TOX3: variants seen among roughly 807,000 people sequenced by gnomAD.
TOX3 encodes CAG trinucleotide repeat-containing gene F9 protein.
In TOX3, 22 loss-of-function variants were observed where a neutral mutation model predicts 64.3. That is an observed-to-expected ratio of 0.34 (90% CI 0.24 to 0.49). TOX3 has a LOEUF of 0.49. TOX3 is among the 20% of genes least tolerant of loss of function. The pLI, the probability that TOX3 is intolerant of heterozygous loss-of-function variation, is 0.99. For synonymous variants in TOX3, 291 were observed against 273.6 expected (o/e 1.06, Z -0.63); for missense variants, 661 against 714.4 (o/e 0.93, Z 0.85).
intron 1 of TOX3, among the ~76,000 whole-genome samples, chr16:52,510,248 T>C (rs1482522849): frequency 1.3e-5 from 2 of 152,156 alleles, no homozygotes; most frequent in African/African-American, 2.4e-5. Context: ...AAAATATTTG[T>C]TTGTCAATAA....
intron 1 of TOX3, among the ~76,000 whole-genome samples, chr16:52,500,956 T>A (rs1961984467): frequency 6.6e-6 from 1 of 152,220 alleles, no homozygotes; most frequent in Admixed American, 6.5e-5. Context: ...AAGTCTTAAG[T>A]GCTAAATAAG....
At chr16:52,536,311 T>G (rs926666667) in intron 1 of TOX3, among the ~76,000 whole-genome samples, 3 of 151,980 alleles carry the variant, frequency 2.0e-5, no homozygotes, top group Non-Finnish European at 4.4e-5. Flanking sequence ...AAATTGAGAT[T>G]TTTTTAATGG....
At position 52,520,342 on chromosome 16, in the gene TOX3, A is replaced by T. The variant is rs150223759; in HGVS notation, c.87+26295T>A. On this transcript the variant is annotated intron_variant, in intron 1 of 6. Transcript: ENST00000219746. ...CCAAGACTAGCACCTTATCTTACAC[A>T]AAATACAGTGCTCTGCCTCTTAACA... Among the ~76,000 whole-genome samples the T allele has an allele frequency of 8.9e-3, 1,361 of 152,302 alleles. 19 individuals carry two copies. Among genetic ancestry groups the T allele is most frequent in the African/African-American group, 0.031 (1,309 of 41,572 alleles).
At chr16:52,460,121 A>G (rs1170240845) in intron 3 of TOX3, among the ~76,000 whole-genome samples, 1 of 152,134 alleles carries the variant, frequency 6.6e-6, no homozygotes, top group Non-Finnish European at 1.5e-5. Context: ...GAATACTACC[A>G]TACTCAAATA....
At chr16:52,511,493 G>A (rs571157141) in intron 1 of TOX3, among the ~76,000 whole-genome samples, 56 of 152,204 alleles carry the variant, frequency 3.7e-4, no homozygotes, top group Non-Finnish European at 3.2e-4. Context: ...ACTCCATCTC[G>A]GGGCAGGAGA....
At chr16:52,463,880 C>T in intron 3 of TOX3, 54 bp downstream of exon 3, 2 of 1,472,298 alleles carry the variant, frequency 1.4e-6, no homozygotes, top group South Asian at 1.5e-5. Context: ...CAGATCTTTA[C>T]TATGATTTGT....
At chr16:52,477,425 G>C (rs1365781588) in intron 1 of TOX3, among the ~76,000 whole-genome samples, 1 of 152,204 alleles carries the variant, frequency 6.6e-6, no homozygotes, top group South Asian at 2.1e-4. Flanking sequence ...AGATGCACAA[G>C]AGTAGTATTA....
chr16:52,523,679 C>T (rs1376402083), intron 1 of TOX3, among the ~76,000 whole-genome samples: 3 of 152,140 alleles, frequency 2.0e-5, no homozygotes, highest in East Asian at 1.9e-4. Flanking sequence ...CAAACTAATA[C>T]TCTATTTCAC....
intron 1 of TOX3, among the ~76,000 whole-genome samples, chr16:52,474,804 A>C (rs1412523967): frequency 6.6e-6 from 1 of 151,924 alleles, no homozygotes; most frequent in African/African-American, 2.4e-5. Context: ...CTTCTGCTCA[A>C]AACTCTCCAA....
chr16:52,480,267 G>A (rs559112885), intron 1 of TOX3, among the ~76,000 whole-genome samples: 1 of 152,284 alleles, frequency 6.6e-6, no homozygotes, highest in South Asian at 2.1e-4. Context: ...TCAAATTCAG[G>A]TGAACCACTG....
chr16:52,452,079 C>A (rs560935552), intron 3 of TOX3, among the ~76,000 whole-genome samples: 2 of 152,198 alleles, frequency 1.3e-5, no homozygotes, highest in Admixed American at 1.3e-4. Context: ...CAGTTGAGAA[C>A]CACTAACCTA....
Position 52,436,772 on chromosome 16 carries a change from A to G in TOX3, c.*2453T>C, listed in dbSNP as rs1959766028. 6.6e-6 allele frequency: 1 copy of G among 152,230 alleles called. No individual in the cohort carries two copies. The highest frequency in any genetic ancestry group is 1.5e-5 in the Non-Finnish European group (1 of 68,044). 9.4% of individuals were successfully genotyped at this position (152,230 alleles called of 1,614,324 possible). A position where few individuals can be genotyped will look rare whatever the true frequency, so the allele number is the denominator to read the frequency against. On this transcript the variant is annotated 3_prime_UTR_variant, in exon 7 of 7. Coordinates refer to ENST00000219746, the MANE Select transcript of TOX3 (RefSeq NM_001080430.4). Reference sequence around the variant, plus strand: ...AAAATCATTTAATAGATGTTACAACACCTGCTTCTAACTGCAAACAGTTGA... The same window carrying G: ...AAAATCATTTAATAGATGTTACAACGCCTGCTTCTAACTGCAAACAGTTGA...
intron 1 of TOX3, 75 bp downstream of exon 1, chr16:52,546,562 T>C: frequency 7.3e-7 from 1 of 1,379,164 alleles, no homozygotes; most frequent in Non-Finnish European, 9.8e-7. Flanking sequence ...CAGCAGGCGG[T>C]GAGCCCGAGC....
intron 3 of TOX3, among the ~76,000 whole-genome samples, chr16:52,458,590 C>T (rs762553406): frequency 3.1e-4 from 47 of 152,126 alleles, no homozygotes; most frequent in Non-Finnish European, 5.9e-4. Flanking sequence ...ATAACATTTT[C>T]CTTTAAATGT....
intron 1 of TOX3, among the ~76,000 whole-genome samples, chr16:52,486,614 T>C (rs1010270630): frequency 1.3e-5 from 2 of 152,136 alleles, no homozygotes; most frequent in East Asian, 1.9e-4. Flanking sequence ...GGGCCTGCTA[T>C]GGCCAAGGAA....
Position 52,446,357 on chromosome 16 carries a change from G to T in TOX3, c.679-136C>A, listed in dbSNP as rs1269772855. On this transcript the variant is annotated intron_variant, in intron 4 of 6. Transcript: ENST00000219746. ...AGATGAATCACCACCAAAAGCGGGG[G>T]AGGGGTAAACTTGCTTGGAGTTAAC... 5 of 897,014 alleles carry T rather than the reference G, an allele frequency of 5.6e-6. No homozygotes were observed. In the Admixed American group the frequency reaches 1.1e-4, roughly 20 times the overall value. 55.6% of individuals were successfully genotyped at this position (897,014 alleles called of 1,614,324 possible).
chr16:52,520,739 A>G (rs1262137738), intron 1 of TOX3, among the ~76,000 whole-genome samples: 1 of 152,188 alleles, frequency 6.6e-6, no homozygotes, highest in Non-Finnish European at 1.5e-5. Context: ...TCACATAAAG[A>G]TAAATACAGG....
At chr16:52,533,810 C>G (rs1260852854) in intron 1 of TOX3, among the ~76,000 whole-genome samples, 1 of 152,152 alleles carries the variant, frequency 6.6e-6, no homozygotes. Flanking sequence ...CAGAAGACAT[C>G]TGGGCACATT....
chr16:52,485,698 GT>G lies in TOX3; in HGVS notation c.88-17125del, dbSNP rs58226048. 3.4e-3 allele frequency among the ~76,000 whole-genome samples: 520 copies of G among 152,248 alleles called. 2 individuals are homozygous for G. Among genetic ancestry groups the G allele is most frequent in the African/African-American group, 0.012 (507 of 41,560 alleles). On this transcript the variant is annotated intron_variant, in intron 1 of 6. Transcript: ENST00000219746. ...GCATATAGATGGAGAATAAATAAGA[GT>G]GAGCACTGGCAGATCAGTTAGGAAA...
Sources: allele counts gnomAD v4.1 joint callset (sites outside exome capture counted in the v4.1 genomes callset), GRCh38; gene constraint gnomAD v4.1.1; transcripts MANE v1.5; gene names NCBI Gene and HGNC (gene_info 2026-07-23, HGNC 2026-07-21).